The following SAMSN1 variants were observed in gnomAD, a reference collection of about 807,000 sequenced individuals.
SAMSN1 encodes SAM domain-containing protein SAMSN-1.
In SAMSN1, 31 loss-of-function variants were observed where a neutral mutation model predicts 42.0. That is an observed-to-expected ratio of 0.74 (90% CI 0.55 to 1.00). The LOEUF is 1.00. Among genes scored for constraint, SAMSN1 ranks in the 50% least tolerant of loss-of-function variants. SAMSN1 has a pLI of 0.00. For synonymous variants in SAMSN1, 178 were observed against 151.9 expected, an observed-to-expected ratio of 1.17 and a Z score of -1.26; for missense variants, 464 against 439.4, an observed-to-expected ratio of 1.06 and a Z score of -0.50.
At chr21:14,543,160 T>C (rs1029636124) in intron 1 of SAMSN1, among the ~76,000 whole-genome samples, 35 of 152,292 alleles carry the variant, frequency 2.3e-4, no homozygotes, top group Admixed American at 1.3e-3. Context: ...ATGCAATGGG[T>C]TTCTTTTGTA....
chr21:14,542,921 C>T (rs1189815957), intron 1 of SAMSN1, among the ~76,000 whole-genome samples: 1 of 152,158 alleles, frequency 6.6e-6, no homozygotes, highest in Non-Finnish European at 1.5e-5. Flanking sequence ...ACATCAACTC[C>T]AGCCTGGGTG....
intron 6 of SAMSN1, among the ~76,000 whole-genome samples, chr21:14,597,458 C>G (rs1041796411): frequency 5.9e-5 from 9 of 152,090 alleles, no homozygotes; most frequent in African/African-American, 2.2e-4. Flanking sequence ...ACTCTAAATG[C>G]TGGTTACACT....
intron 1 of SAMSN1, 79 bp downstream of exon 1, chr21:14,546,126 T>G: frequency 1.6e-6 from 2 of 1,231,112 alleles, no homozygotes; most frequent in Non-Finnish European, 2.3e-6. Context: ...GAGAACATTG[T>G]ATGTGTTCAA....
At chr21:14,583,999 A>ATTTT (rs34155133), upstream of SAMSN1, among the ~76,000 whole-genome samples, 513 of 149,188 alleles carry the variant, frequency 3.4e-3, 1 homozygote, top group Non-Finnish European at 5.8e-3. Context: ...TGGTTTTACC[A>ATTTT]TTTTTTTTTT....
At chr21:14,509,775 CATA>C (rs1259428295) in intron 5 of SAMSN1, among the ~76,000 whole-genome samples, 1 of 152,130 alleles carries the variant, frequency 6.6e-6, no homozygotes, top group Non-Finnish European at 1.5e-5. Context: ...GAATCATCTA[CATA>C]ATAACAACTT....
intron 7 of SAMSN1, chr21:14,592,512 T>G (rs1280371660): frequency 4.9e-6 from 1 of 203,994 alleles, no homozygotes; most frequent in African/African-American, 2.4e-5. Flanking sequence ...ACTTCTCCTC[T>G]CTGCACTTCA....
intron 4 of SAMSN1, among the ~76,000 whole-genome samples, chr21:14,612,112 A>G (rs564912675): frequency 1.3e-5 from 2 of 152,326 alleles, no homozygotes; most frequent in African/African-American, 4.8e-5. Flanking sequence ...ACGCGCCTGT[A>G]GTCCCAGCTA....
intron 5 of SAMSN1, among the ~76,000 whole-genome samples, chr21:14,607,688 T>A (rs1328578251): frequency 2.0e-5 from 3 of 152,224 alleles, no homozygotes; most frequent in Non-Finnish European, 4.4e-5. Flanking sequence ...TCTTTGCTGC[T>A]TTTTCAGTGT....
intron 2 of SAMSN1, among the ~76,000 whole-genome samples, chr21:14,573,257 T>A (rs1981357860): frequency 6.6e-6 from 1 of 152,172 alleles, no homozygotes; most frequent in Non-Finnish European, 1.5e-5. Context: ...CAGTCTTACT[T>A]AAACTTCACC....
intron 5 of SAMSN1, among the ~76,000 whole-genome samples, chr21:14,505,517 T>C (rs1013722936): frequency 6.6e-6 from 1 of 152,152 alleles, no homozygotes; most frequent in African/African-American, 2.4e-5. Context: ...CATTATACAA[T>C]GATAAAAGGC....
At chr21:14,640,764 A>G (rs1362068676) in intron 2 of SAMSN1, among the ~76,000 whole-genome samples, 2 of 152,146 alleles carry the variant, frequency 1.3e-5, no homozygotes, top group Non-Finnish European at 2.9e-5. Context: ...ACATAATTCA[A>G]CAACTAAAAA....
chr21:14,507,046 A>G (rs1987444411), intron 5 of SAMSN1, among the ~76,000 whole-genome samples: 3 of 152,208 alleles, frequency 2.0e-5, no homozygotes, highest in African/African-American at 4.8e-5. Context: ...ATACCTCAAT[A>G]TAATAAAAGC....
chr21:14,622,874 A>G (rs935045995), intron 2 of SAMSN1, among the ~76,000 whole-genome samples: 2 of 152,186 alleles, frequency 1.3e-5, no homozygotes, highest in African/African-American at 4.8e-5. Context: ...CAGAGAGAAA[A>G]GTCAGGTTAC....
In SAMSN1 at chr21:14,486,010, T is replaced by C; in HGVS notation, c.1024A>G (p.Ile342Val). ...DDCPRDSGCY[I>V]SSGNSDNGKE... ...CCATTATCTGAATTTCCTGATGAGATATAGCAACCAGAGTCCCTTGGGCAG... is the reference window on the plus strand; with the variant it reads ...CCATTATCTGAATTTCCTGATGAGACATAGCAACCAGAGTCCCTTGGGCAG... The change falls in exon 8 of 8, where the codon ATC becomes GTC. Residue 342 changes from isoleucine to valine, a missense_variant. Ile to Val is a conservative substitution (Grantham distance 29). Coordinates refer to ENST00000400566, the MANE Select transcript of SAMSN1 (RefSeq NM_022136.5). 6 of 1,613,662 alleles carry C rather than the reference T, an allele frequency of 3.7e-6. No individual in the cohort carries two copies. The highest frequency in any genetic ancestry group is 8.5e-7 in the Non-Finnish European group (1 of 1,179,624).
rs370829748 is a variant in SAMSN1 at position 14,564,525 on chromosome 21, C to A, written c.261+17611G>T. Reference sequence around the variant, plus strand: ...AGCTAACAAGTAGTCAAGAGTTAAACCCAGGCCTGTCTGACACCACTGTAC... The same window carrying A: ...AGCTAACAAGTAGTCAAGAGTTAAAACCAGGCCTGTCTGACACCACTGTAC... On this transcript the variant is annotated intron_variant, in intron 2 of 8. Transcript: ENST00000285670. 7.9e-5 allele frequency among the ~76,000 whole-genome samples: 12 copies of A among 152,290 alleles called. No homozygotes were observed. The South Asian group carries it at 2.5e-3, about 32-fold the overall frequency.
intron 2 of SAMSN1, among the ~76,000 whole-genome samples, chr21:14,632,319 A>C (rs1437236087): frequency 6.6e-6 from 1 of 152,016 alleles, no homozygotes; most frequent in Non-Finnish European, 1.5e-5. Context: ...AACCTGTAGT[A>C]TATTCCTTTC....
chr21:14,556,622 A>G lies in SAMSN1; in HGVS notation c.261+25514T>C, dbSNP rs573144085. ...CTGAGTATATTGTAAATAGATGCAC[A>G]TTGCCTTCTCCCACCCAACACACAC... On this transcript the variant is annotated intron_variant, in intron 2 of 8. Transcript: ENST00000285670. Among the ~76,000 whole-genome samples the G allele has an allele frequency of 1.4e-4, 22 of 152,312 alleles. 1 individual carries two copies. In the South Asian group the frequency reaches 4.6e-3, roughly 32 times the overall value.
At chr21:14,547,563 G>T (rs527966442), upstream of SAMSN1, among the ~76,000 whole-genome samples, 1 of 152,126 alleles carries the variant, frequency 6.6e-6, no homozygotes, top group African/African-American at 2.4e-5. Context: ...AATAAACCTA[G>T]ATTTCTGTTT....
intron 1 of SAMSN1, among the ~76,000 whole-genome samples, chr21:14,531,321 T>G (rs1161647337): frequency 6.6e-6 from 1 of 152,140 alleles, no homozygotes; most frequent in Non-Finnish European, 1.5e-5. Flanking sequence ...TTTTGTATAG[T>G]GTCATTAATC....
Sources: allele counts gnomAD v4.1 joint callset (sites outside exome capture counted in the v4.1 genomes callset), GRCh38; gene constraint gnomAD v4.1.1; transcripts MANE v1.5; gene names NCBI Gene and HGNC (gene_info 2026-07-23, HGNC 2026-07-21).